ANKRD11: variants seen among roughly 807,000 people sequenced by gnomAD.
ANKRD11 encodes the protein ankyrin repeat domain 11.
A neutral mutation model predicts 195.7 loss-of-function variants in ANKRD11; 17 were observed. That is an observed-to-expected ratio of 0.09 (90% CI 0.06 to 0.13). ANKRD11 has a LOEUF of 0.13. ANKRD11 is among the 10% of genes least tolerant of loss of function. The pLI, the probability that ANKRD11 is intolerant of heterozygous loss-of-function variation, is 1.00. For synonymous variants in ANKRD11, 1,953 were observed against 1,528.1 expected (o/e 1.28, Z -6.49); for missense variants, 3,735 against 3,566.1 (o/e 1.05, Z -1.21).
chr16:89,461,443 G>C (rs2056665580), intron 1 of ANKRD11, among the ~76,000 whole-genome samples: 1 of 152,144 alleles, frequency 6.6e-6, no homozygotes, highest in Admixed American at 6.5e-5. Context: ...GCTGGGCTCA[G>C]GGAATCCTTC....
At chr16:89,403,661 A>C (rs147511857) in intron 2 of ANKRD11, 2 of 152,360 alleles carry the variant, frequency 1.3e-5, no homozygotes, top group Admixed American at 1.3e-4. Flanking sequence ...TGAGCACGAC[A>C]GCACGTGCCT....
At chr16:89,330,836 C>T (rs1359672512) in intron 2 of ANKRD11, among the ~76,000 whole-genome samples, 1 of 152,174 alleles carries the variant, frequency 6.6e-6, no homozygotes, top group Non-Finnish European at 1.5e-5. Flanking sequence ...TCTGTGGACA[C>T]TCTTTAAACT....
chr16:89,271,550 G>T (rs1211324093), intron 11 of ANKRD11: 2 of 160,372 alleles, frequency 1.2e-5, no homozygotes, highest in African/African-American at 4.8e-5. Context: ...AATGCCGTCT[G>T]TTTCTCAGAA....
At chr16:89,357,668 C>T (rs1272207394) in intron 2 of ANKRD11, among the ~76,000 whole-genome samples, 1 of 152,188 alleles carries the variant, frequency 6.6e-6, no homozygotes, top group African/African-American at 2.4e-5. Flanking sequence ...CAGCATAACG[C>T]GACTCAGCCC....
At chr16:89,324,107 C>T (rs1471107866) in intron 2 of ANKRD11, 5 of 549,304 alleles carry the variant, frequency 9.1e-6, no homozygotes, top group African/African-American at 8.2e-5. Flanking sequence ...GCCTCGGCCT[C>T]CCAAAGTGCC....
intron 2 of ANKRD11, among the ~76,000 whole-genome samples, chr16:89,338,183 G>T (rs1171787648): frequency 2.6e-5 from 4 of 152,104 alleles, no homozygotes; most frequent in Non-Finnish European, 5.9e-5. Context: ...GCCCCGAGAC[G>T]CACTCTCACT....
intron 2 of ANKRD11, among the ~76,000 whole-genome samples, chr16:89,411,198 T>A (rs2152208709): frequency 6.6e-6 from 1 of 152,358 alleles, no homozygotes; most frequent in African/African-American, 2.4e-5. Context: ...GACGGTGCCC[T>A]CCACCACATC....
intron 1 of ANKRD11, among the ~76,000 whole-genome samples, chr16:89,449,138 C>T (rs1567821012): frequency 6.6e-6 from 1 of 150,516 alleles, no homozygotes; most frequent in Non-Finnish European, 1.5e-5. Context: ...ATTGCTTGAG[C>T]CCAGGAATTT....
rs1218479368 is a variant in ANKRD11, at chr16:89,283,262, T to C, written c.3280A>G (p.Ile1094Val). ...TTTTCAGAGAAGTCTTCTGAGATGA[T>C]CCCAGGGAAAGCCTTCTCCTTCTTC... is the stretch of plus-strand genomic sequence containing the variant. Reference protein sequence around the residue: ...KEKKEKAFPGIISEDFSEKKD... With the variant: ...KEKKEKAFPGVISEDFSEKKD... Residue 1094 changes from isoleucine to valine, a missense_variant, in exon 9 of 13, where the codon ATC (isoleucine) becomes GTC (valine). Physicochemically the swap from Ile to Val is conservative, Grantham distance 29. Coordinates refer to ENST00000301030, the MANE Select transcript of ANKRD11 (RefSeq NM_013275.6). This position sits in a 1 kb window ranked among gnomAD's most constrained non-coding sequence, Gnocchi z 4.3. 4 of 1,614,056 alleles carry C rather than the reference T, an allele frequency of 2.5e-6. No homozygotes were observed. The highest frequency in any genetic ancestry group is 3.4e-6 in the Non-Finnish European group (4 of 1,180,054).
chr16:89,440,606 T>G (rs1215918313), intron 1 of ANKRD11, among the ~76,000 whole-genome samples: 3 of 151,594 alleles, frequency 2.0e-5, no homozygotes, highest in Non-Finnish European at 1.5e-5. Flanking sequence ...ACGACAAAAC[T>G]CTGTCTCAAA....
intron 7 of ANKRD11, 176 bp downstream of exon 7, chr16:89,288,352 G>A (rs1025085818): frequency 2.0e-5 from 21 of 1,055,416 alleles, no homozygotes; most frequent in East Asian, 2.6e-5. Flanking sequence ...GGCTGACCCA[G>A]AAGGGGAAAG....
chr16:89,292,744 G>A (rs551350873), intron 4 of ANKRD11, among the ~76,000 whole-genome samples: 2 of 152,356 alleles, frequency 1.3e-5, no homozygotes, highest in South Asian at 4.1e-4. Context: ...CAAACACGGT[G>A]GTTGGGGAGG....
chr16:89,360,897 G>A (rs2039699479), intron 2 of ANKRD11, among the ~76,000 whole-genome samples: 1 of 152,218 alleles, frequency 6.6e-6, no homozygotes, highest in African/African-American at 2.4e-5. Context: ...AACCTCAACA[G>A]AATCCACGGT....
chr16:89,384,174 T>A (rs2040789012), intron 2 of ANKRD11, among the ~76,000 whole-genome samples: 1 of 152,104 alleles, frequency 6.6e-6, no homozygotes, highest in Non-Finnish European at 1.5e-5. Context: ...TGAGCTGAGA[T>A]GTGCTCCTGC....
intron 1 of ANKRD11, among the ~76,000 whole-genome samples, chr16:89,457,942 C>G (rs1016863250): frequency 6.6e-6 from 1 of 152,172 alleles, no homozygotes; most frequent in South Asian, 2.1e-4. Flanking sequence ...CAGACCCCAG[C>G]TGAGACGGCA....
chr16:89,284,700 G>A lies in ANKRD11; in HGVS notation c.1842C>T (p.Ser614=), dbSNP rs764479350. The change falls in exon 9 of 13, where the codon AGC becomes AGT. Residue 614 remains serine, a synonymous_variant. Transcript: ENST00000301030. ...CCAGTTTGGGGACAGCGCCCTCCGCGCTGGACAGGAAGGGGCTCTTCTTCT... is the reference window on the plus strand; with the variant it reads ...CCAGTTTGGGGACAGCGCCCTCCGCACTGGACAGGAAGGGGCTCTTCTTCT... The part of the protein sequence containing the change: ...LSEKKSPFLS[S]AEGAVPKLDK... 172 of 1,613,758 alleles carry A rather than the reference G, an allele frequency of 1.1e-4. 1 individual carries two copies. In the Admixed American group the frequency reaches 2.3e-3, roughly 21 times the overall value.
At chr16:89,451,464 T>G (rs1597450870) in intron 1 of ANKRD11, among the ~76,000 whole-genome samples, 1 of 140,558 alleles carries the variant, frequency 7.1e-6, no homozygotes, top group South Asian at 2.2e-4. Context: ...CAGGCAGGAG[T>G]GCAGTTGTGT....
At chr16:89,341,617 C>G (rs1054557047) in intron 2 of ANKRD11, among the ~76,000 whole-genome samples, 3 of 152,248 alleles carry the variant, frequency 2.0e-5, no homozygotes, top group African/African-American at 7.2e-5. Flanking sequence ...CCCACCCCAT[C>G]CAGCCCATAA....
intron 2 of ANKRD11, among the ~76,000 whole-genome samples, chr16:89,408,719 C>T (rs563868199): frequency 8.5e-4 from 130 of 152,278 alleles, no homozygotes; most frequent in Middle Eastern, 3.4e-3. Flanking sequence ...TCAGAGTCCC[C>T]GGGACTCACT....
Sources: allele counts gnomAD v4.1 joint callset (sites outside exome capture counted in the v4.1 genomes callset), GRCh38; gene constraint gnomAD v4.1.1; non-coding constraint Gnocchi (gnomAD v3.1); transcripts MANE v1.5; gene names NCBI Gene and HGNC (gene_info 2026-07-23, HGNC 2026-07-21).